The following IL1RAPL1 variants were observed in gnomAD, a reference collection of about 807,000 sequenced individuals.
IL1RAPL1 encodes the protein interleukin-1 receptor accessory protein-like 1.
IL1RAPL1 carries 3 observed loss-of-function variants against 48.4 expected under a neutral mutation model. The ratio of observed to expected loss-of-function variants is 0.06; its 90% CI spans 0.03 to 0.16. The LOEUF (loss-of-function observed/expected upper bound fraction) is 0.16. IL1RAPL1 is among the 10% of genes least tolerant of loss of function. The pLI is 1.00. For synonymous variants in IL1RAPL1, 185 were observed against 187.7 expected (o/e 0.99, Z 0.12); for missense variants, 349 against 530.6 (o/e 0.66, Z 3.36).
At chrX:29,275,158 C>G (rs1324134718) in intron 2 of IL1RAPL1, among the ~76,000 whole-genome samples, 1 of 111,597 alleles carries the variant, frequency 9.0e-6, no homozygotes, top group Non-Finnish European at 1.9e-5. Flanking sequence ...AAAGTGTCAT[C>G]CCTGGACCAG....
intron 5 of IL1RAPL1, among the ~76,000 whole-genome samples, chrX:29,529,574 C>A (rs1935590728): frequency 1.0e-5 from 1 of 97,116 alleles, no homozygotes. Context: ...TGCACTCCAG[C>A]CTGGGAGACA....
intron 2 of IL1RAPL1, among the ~76,000 whole-genome samples, chrX:28,796,835 G>A (rs1416641987): frequency 1.8e-5 from 2 of 112,005 alleles, no homozygotes; most frequent in African/African-American, 6.5e-5. Context: ...CTCTGTGCGG[G>A]GGCTCTGGCC....
At chrX:28,832,476 G>T (rs921766727) in intron 2 of IL1RAPL1, among the ~76,000 whole-genome samples, 1 of 110,948 alleles carries the variant, frequency 9.0e-6, no homozygotes, top group Non-Finnish European at 1.9e-5. Context: ...ATTTCGTCCT[G>T]AAAACTGTTT....
intron 2 of IL1RAPL1, among the ~76,000 whole-genome samples, chrX:29,127,895 C>G (rs1928931831): frequency 9.3e-6 from 1 of 108,047 alleles, no homozygotes; most frequent in Non-Finnish European, 1.9e-5. Flanking sequence ...ACCCGGGAGG[C>G]AGAGGTTGCA....
chrX:29,210,919 G>A (rs1051859614), intron 2 of IL1RAPL1, among the ~76,000 whole-genome samples: 6 of 112,137 alleles, frequency 5.4e-5, no homozygotes, highest in African/African-American at 9.7e-5. Context: ...TCTCAGTCTT[G>A]CATTTGCACG....
intron 2 of IL1RAPL1, chrX:28,942,571 G>A (rs1412469263): frequency 1.9e-5 from 2 of 102,812 alleles, no homozygotes; most frequent in Non-Finnish European, 2.0e-5. Flanking sequence ...TGTTTTTCAT[G>A]TCTCAATAAA....
chrX:29,604,371 C>T (rs1323815667), intron 5 of IL1RAPL1, among the ~76,000 whole-genome samples: 4 of 112,062 alleles, frequency 3.6e-5, no homozygotes, highest in Non-Finnish European at 7.5e-5. Flanking sequence ...TTCTAGTATT[C>T]CAATGGATTT....
intron 5 of IL1RAPL1, among the ~76,000 whole-genome samples, chrX:29,534,351 A>G (rs1359437907): frequency 9.0e-6 from 1 of 111,521 alleles, no homozygotes; most frequent in Admixed American, 9.5e-5. Context: ...AGGCATTAGA[A>G]CTCTATGCCT....
intron 6 of IL1RAPL1, among the ~76,000 whole-genome samples, chrX:29,745,185 T>A (rs917462048): frequency 9.0e-6 from 1 of 111,335 alleles, no homozygotes; most frequent in East Asian, 2.8e-4. Context: ...GGTGCTATCA[T>A]TAAATAACAC....
chrX:29,061,004 G>T (rs1927329039), intron 2 of IL1RAPL1, among the ~76,000 whole-genome samples: 1 of 110,871 alleles, frequency 9.0e-6, no homozygotes, highest in Admixed American at 9.6e-5. Flanking sequence ...TTCTAATGGG[G>T]CTAAATATGT....
intron 2 of IL1RAPL1, among the ~76,000 whole-genome samples, chrX:29,122,407 T>A (rs865993707): frequency 9.2e-5 from 7 of 76,258 alleles, no homozygotes; most frequent in African/African-American, 4.7e-4. Flanking sequence ...TCTCTCTCTC[T>A]CTCACACACA....
intron 1 of IL1RAPL1, among the ~76,000 whole-genome samples, chrX:28,724,834 A>G (rs1026413501): frequency 8.1e-5 from 9 of 111,225 alleles, no homozygotes; most frequent in South Asian, 7.6e-4. Context: ...CTATGGAAAA[A>G]TTAAAACATA....
chrX:29,538,848 G>C (rs1272441501), intron 5 of IL1RAPL1, among the ~76,000 whole-genome samples: 1 of 111,043 alleles, frequency 9.0e-6, no homozygotes, highest in East Asian at 2.8e-4. Context: ...GCAAGATATA[G>C]GTCACTCGGG....
intron 2 of IL1RAPL1, among the ~76,000 whole-genome samples, chrX:29,173,386 G>A (rs2147514594): frequency 8.9e-6 from 1 of 112,198 alleles, no homozygotes; most frequent in African/African-American, 3.2e-5. Context: ...AATAATATCA[G>A]ATAATTGTTT....
rs60600833 is a variant in IL1RAPL1, at chrX:28,660,086, G to GGTGTGTGTGTGTGT, written c.-25+72080_-25+72093dup. ...TCCAAAGCAGAAGCAGAGTGAGGAT[G>GGTGTGTGTGTGTGT]GTGTGTGTGTGTGTGTGTGTGTGTG... On this transcript the variant is annotated intron_variant, in intron 1 of 10. Transcript: ENST00000378993. Among the ~76,000 whole-genome samples, 183 of 76,438 alleles carry GGTGTGTGTGTGTGT rather than the reference G, an allele frequency of 2.4e-3. 5 individuals carry two copies. The highest frequency in any genetic ancestry group is 0.011 in the East Asian group (21 of 1,953). The allele number at this position is 76,438 out of a possible 115,157, so 66.4% of individuals were successfully genotyped here.
intron 2 of IL1RAPL1, among the ~76,000 whole-genome samples, chrX:29,048,165 T>C (rs1478983979): frequency 8.9e-6 from 1 of 111,914 alleles, no homozygotes; most frequent in African/African-American, 3.2e-5. Context: ...TATGAATGAA[T>C]GAATAAATTA....
chrX:28,895,186 C>T (rs977080054), intron 2 of IL1RAPL1, among the ~76,000 whole-genome samples: 1 of 110,334 alleles, frequency 9.1e-6, no homozygotes, highest in Non-Finnish European at 1.9e-5. Context: ...GGTGGGTAGG[C>T]AAAACAATTT....
intron 2 of IL1RAPL1, among the ~76,000 whole-genome samples, chrX:28,856,250 G>C (rs1367069419): frequency 9.0e-6 from 1 of 111,542 alleles, no homozygotes; most frequent in East Asian, 2.8e-4. Flanking sequence ...GTGACTGAGA[G>C]TTCTCCCGAT....
chrX:29,786,769 A>C (rs1472513053), intron 6 of IL1RAPL1, among the ~76,000 whole-genome samples: 1 of 111,428 alleles, frequency 9.0e-6, no homozygotes, highest in African/African-American at 3.3e-5. Context: ...GATAAAGGGA[A>C]GTGGACAGTT....
Sources: allele counts gnomAD v4.1 joint callset (sites outside exome capture counted in the v4.1 genomes callset), GRCh38; gene constraint gnomAD v4.1.1; transcripts MANE v1.5; gene names NCBI Gene and HGNC (gene_info 2026-07-23, HGNC 2026-07-21).